Variants in TNIK observed in about 807,000 individuals in gnomAD.
TNIK encodes TRAF2 and NCK-interacting protein kinase.
TNIK carries 49 observed loss-of-function variants against 191.3 expected under a neutral mutation model. The observed-to-expected ratio is 0.26, with a 90% confidence interval of 0.20 to 0.32. The LOEUF is 0.32. Among genes scored for constraint, TNIK ranks in the 10% least tolerant of loss-of-function variants. The probability of loss-of-function intolerance (pLI) is 1.00; values close to 1 mark genes in which losing one functional copy is unlikely to be tolerated. For missense variants in TNIK, 1,155 were observed against 1,702.3 expected (o/e 0.68, Z 5.66); for synonymous variants, 594 against 600.9 (o/e 0.99, Z 0.17).
intron 1 of TNIK, among the ~76,000 whole-genome samples, chr3:171,414,770 T>G (rs1722843592): frequency 6.6e-6 from 1 of 152,208 alleles, no homozygotes; most frequent in Non-Finnish European, 1.5e-5. Flanking sequence ...TTGGTTAAAG[T>G]ATCTATAGTA....
At chr3:171,288,888 T>C (rs965808708) in intron 2 of TNIK, among the ~76,000 whole-genome samples, 1 of 151,812 alleles carries the variant, frequency 6.6e-6, no homozygotes, top group Admixed American at 6.6e-5. Flanking sequence ...TAAACATTTA[T>C]CTATTTGGAG....
chr3:171,347,391 T>TCA (rs150384769), intron 2 of TNIK, among the ~76,000 whole-genome samples: 33,652 of 145,860 alleles, frequency 0.23, 3,893 homozygotes, highest in Middle Eastern at 0.32. Flanking sequence ...GAAGTGCCTA[T>TCA]CACACACACA....
At chr3:171,449,054 C>T (rs574609775) in intron 1 of TNIK, among the ~76,000 whole-genome samples, 1 of 152,196 alleles carries the variant, frequency 6.6e-6, no homozygotes, top group South Asian at 2.1e-4. Flanking sequence ...TTTCCAGCTT[C>T]ACCCATGTCC....
rs146064720 is a variant in TNIK at position 171,229,260 on chromosome 3, T to C, written c.124-1039A>G. Among the ~76,000 whole-genome samples the C allele has an allele frequency of 6.5e-3, 996 of 152,346 alleles. 11 individuals carry two copies. Among genetic ancestry groups the C allele is most frequent in the African/African-American group, 0.022 (935 of 41,584 alleles). ...GGCCGTAATTATGTATGGTCCTGTC[T>C]TCTGGTGAATTTTAAATGTTGTCTT... On this transcript the variant is annotated intron_variant, in intron 2 of 32. Transcript: ENST00000436636.
chr3:171,244,419 A>T (rs1745360112), intron 2 of TNIK, among the ~76,000 whole-genome samples: 1 of 152,120 alleles, frequency 6.6e-6, no homozygotes, highest in South Asian at 2.1e-4. Context: ...CTCAAGAGAG[A>T]ACTCGTTTAC....
intron 1 of TNIK, among the ~76,000 whole-genome samples, chr3:171,393,228 G>A (rs1719800967): frequency 6.6e-6 from 1 of 152,200 alleles, no homozygotes; most frequent in Non-Finnish European, 1.5e-5. Context: ...GCAAGCTGAA[G>A]CAAAACAGCC....
chr3:171,236,187 G>A (rs1744243103), intron 2 of TNIK, among the ~76,000 whole-genome samples: 1 of 152,154 alleles, frequency 6.6e-6, no homozygotes. Context: ...TAGGCCTAGT[G>A]AACCTTGTAA....
chr3:171,149,317 A>T (rs1016644030), intron 12 of TNIK, among the ~76,000 whole-genome samples: 1 of 152,224 alleles, frequency 6.6e-6, no homozygotes, highest in South Asian at 2.1e-4. Context: ...AGGATCAGCA[A>T]CTGCCTAACT....
chr3:171,343,435 T>G (rs1216519964), intron 2 of TNIK, among the ~76,000 whole-genome samples: 1 of 152,108 alleles, frequency 6.6e-6, no homozygotes, highest in African/African-American at 2.4e-5. Flanking sequence ...ATCTCTCAGG[T>G]TGTTGGTCAC....
At chr3:171,303,382 T>C (rs1753088583) in intron 2 of TNIK, among the ~76,000 whole-genome samples, 1 of 152,232 alleles carries the variant, frequency 6.6e-6, no homozygotes, top group African/African-American at 2.4e-5. Flanking sequence ...GATATCTTCA[T>C]GTCATAAATT....
intron 2 of TNIK, among the ~76,000 whole-genome samples, chr3:171,346,728 G>GA (rs11375565): frequency 0.86 from 131,280 of 152,046 alleles, 56,861 homozygotes; most frequent in East Asian, 1. Context: ...AACATTCCAG[G>GA]AGCAGGAATG....
intron 4 of TNIK, 144 bp downstream of exon 4, chr3:171,210,972 C>T: frequency 9.4e-7 from 1 of 1,061,620 alleles, no homozygotes; most frequent in Non-Finnish European, 1.3e-6. Context: ...GGAGAAAACC[C>T]TGAAAACAAT....
At chr3:171,144,153 A>T (rs1168054296) in intron 12 of TNIK, among the ~76,000 whole-genome samples, 1 of 152,248 alleles carries the variant, frequency 6.6e-6, no homozygotes, top group African/African-American at 2.4e-5. Flanking sequence ...GCCTAGAAGT[A>T]TATTTTCATC....
chr3:171,087,802 G>A (rs1380713389), intron 23 of TNIK, among the ~76,000 whole-genome samples: 1 of 152,222 alleles, frequency 6.6e-6, no homozygotes, highest in Non-Finnish European at 1.5e-5. Flanking sequence ...GGGAGGGACT[G>A]AGCAGGGCCC....
intron 1 of TNIK, among the ~76,000 whole-genome samples, chr3:171,428,548 CG>C (rs1724940051): frequency 6.6e-6 from 1 of 152,098 alleles, no homozygotes; most frequent in Non-Finnish European, 1.5e-5. Context: ...TCTTAATGCT[CG>C]ACACTAAATT....
At chr3:171,281,026 G>A (rs1259279032) in intron 2 of TNIK, among the ~76,000 whole-genome samples, 1 of 152,174 alleles carries the variant, frequency 6.6e-6, no homozygotes, top group Admixed American at 6.5e-5. Flanking sequence ...TCCCTTTGGA[G>A]AAGCTAAGGA....
chr3:171,451,298 A>T (rs1728146804), intron 1 of TNIK, among the ~76,000 whole-genome samples: 1 of 152,204 alleles, frequency 6.6e-6, no homozygotes, highest in African/African-American at 2.4e-5. Context: ...CTACGTGGGG[A>T]GGAACTGAGG....
At chr3:171,273,620 G>A (rs775268266) in intron 2 of TNIK, among the ~76,000 whole-genome samples, 14 of 152,116 alleles carry the variant, frequency 9.2e-5, no homozygotes, top group Non-Finnish European at 2.1e-4. Context: ...GATCACTGGC[G>A]AGTCCTATTC....
chr3:171,396,123 C>T (rs1413933821), intron 1 of TNIK, among the ~76,000 whole-genome samples: 1 of 148,152 alleles, frequency 6.7e-6, no homozygotes, highest in Non-Finnish European at 1.5e-5. Context: ...CACCCACTGC[C>T]CCCCCAACCC....
Sources: allele counts gnomAD v4.1 joint callset (sites outside exome capture counted in the v4.1 genomes callset), GRCh38; gene constraint gnomAD v4.1.1; transcripts MANE v1.5; gene names NCBI Gene and HGNC (gene_info 2026-07-23, HGNC 2026-07-21).